The following KLHL13 variants were observed in gnomAD, a reference collection of about 807,000 sequenced individuals.
KLHL13 encodes kelch like family member 13.
In KLHL13, 10 loss-of-function variants were observed where a neutral mutation model predicts 37.1. The ratio of observed to expected loss-of-function variants is 0.27; its 90% CI spans 0.17 to 0.46. The LOEUF is 0.46. Among genes scored for constraint, KLHL13 ranks in the 20% least tolerant of loss-of-function variants. The pLI is 1.00. For synonymous variants in KLHL13, 163 were observed against 181.2 expected (o/e 0.90, Z 0.81); for missense variants, 360 against 509.3 (o/e 0.71, Z 2.82).
chrX:118,013,099 T>G (rs2054088815), intron 1 of KLHL13, among the ~76,000 whole-genome samples: 1 of 112,273 alleles, frequency 8.9e-6, no homozygotes, highest in South Asian at 3.7e-4. Context: ...GTGCTGCGAT[T>G]AAAGCAGTAA....
chrX:118,030,774 A>G (rs1277118740), intron 1 of KLHL13, among the ~76,000 whole-genome samples: 1 of 109,393 alleles, frequency 9.1e-6, no homozygotes, highest in Non-Finnish European at 1.9e-5. Context: ...ATGGGATGAC[A>G]CAGCAAGAAG....
intron 1 of KLHL13, among the ~76,000 whole-genome samples, chrX:118,105,762 T>C (rs2055338920): frequency 8.9e-6 from 1 of 111,796 alleles, no homozygotes; most frequent in Admixed American, 9.5e-5. Flanking sequence ...CCAAAAGTAC[T>C]TATAAAATTC....
chrX:117,919,084 C>CG (rs1377961275), intron 4 of KLHL13, among the ~76,000 whole-genome samples: 1 of 110,494 alleles, frequency 9.1e-6, no homozygotes, highest in African/African-American at 3.3e-5. Context: ...AGTGCAATGG[C>CG]GTGATCTCAG....
intron 2 of KLHL13, among the ~76,000 whole-genome samples, chrX:117,929,003 C>A (rs1932245036): frequency 9.0e-6 from 1 of 111,440 alleles, no homozygotes; most frequent in Non-Finnish European, 1.9e-5. Flanking sequence ...ATAGAAGTGG[C>A]ATAAACTAGA....
chrX:118,103,258 T>C (rs1047596766), intron 1 of KLHL13, among the ~76,000 whole-genome samples: 10 of 111,905 alleles, frequency 8.9e-5, no homozygotes, highest in African/African-American at 3.2e-4. Flanking sequence ...TTTATTCTAG[T>C]GACAGCAGTG....
At chrX:118,033,347 G>C (rs1163827938) in intron 1 of KLHL13, among the ~76,000 whole-genome samples, 5 of 111,176 alleles carry the variant, frequency 4.5e-5, no homozygotes, top group Non-Finnish European at 9.4e-5. Flanking sequence ...AGAGAGAAAG[G>C]TCGGGTTACC....
chrX:118,090,832 T>G (rs1351198558), intron 1 of KLHL13, among the ~76,000 whole-genome samples: 1 of 109,803 alleles, frequency 9.1e-6, no homozygotes, highest in Non-Finnish European at 1.9e-5. Flanking sequence ...TGCACACGTA[T>G]GTTTATAGCG....
chrX:117,924,735 G>A (rs1239807542), intron 2 of KLHL13, among the ~76,000 whole-genome samples: 1 of 110,757 alleles, frequency 9.0e-6, no homozygotes, highest in Non-Finnish European at 1.9e-5. Flanking sequence ...CCTTGGGTTT[G>A]ATTTAAGAGG....
chrX:118,021,356 A>C (rs1296499301), intron 1 of KLHL13, among the ~76,000 whole-genome samples: 6 of 105,693 alleles, frequency 5.7e-5, no homozygotes, highest in Admixed American at 4.1e-4. Context: ...CGTCATTTAC[A>C]TTAGGTATAT....
At chrX:118,105,998 T>C (rs2055342396) in intron 1 of KLHL13, among the ~76,000 whole-genome samples, 5 of 100,752 alleles carry the variant, frequency 5.0e-5, no homozygotes, top group Middle Eastern at 5.4e-3. Flanking sequence ...ACCTCCCAGG[T>C]TCACGCCATT....
intron 1 of KLHL13, among the ~76,000 whole-genome samples, chrX:117,992,478 C>A (rs182654204): frequency 9.0e-6 from 1 of 111,261 alleles, no homozygotes; most frequent in Non-Finnish European, 1.9e-5. Context: ...ATCTTTAGAA[C>A]ACACCCTGTT....
At chrX:117,994,890 T>C (rs768749625) in intron 1 of KLHL13, among the ~76,000 whole-genome samples, 1 of 110,988 alleles carries the variant, frequency 9.0e-6, no homozygotes, top group East Asian at 2.8e-4. Context: ...ACTTCATCTG[T>C]ATAAAAAATA....
intron 1 of KLHL13, among the ~76,000 whole-genome samples, chrX:118,086,410 A>G (rs1226223739): frequency 9.0e-6 from 1 of 111,681 alleles, no homozygotes; most frequent in African/African-American, 3.3e-5. Flanking sequence ...CACTGATGAA[A>G]ATGTTCTAGA....
intron 1 of KLHL13, among the ~76,000 whole-genome samples, chrX:117,995,914 G>A (rs1449231449): frequency 9.0e-6 from 1 of 111,057 alleles, no homozygotes; most frequent in Non-Finnish European, 1.9e-5. Flanking sequence ...TCAGTTAATG[G>A]GCATTTGAGC....
chrX:118,095,143 T>C (rs1395577668), intron 1 of KLHL13, among the ~76,000 whole-genome samples: 17 of 110,972 alleles, frequency 1.5e-4, no homozygotes, highest in Admixed American at 5.8e-4. Context: ...ATTCAGGAAA[T>C]GCATCTCACA....
upstream of KLHL13, chrX:117,973,827 C>A (rs1422409391): frequency 7.3e-6 from 4 of 548,629 alleles, no homozygotes; most frequent in Non-Finnish European, 6.5e-6. Context: ...CCACCCCCCC[C>A]ACTCCTCCCC....
At chrX:118,043,328 A>G (rs1019857373) in intron 1 of KLHL13, among the ~76,000 whole-genome samples, 2 of 111,558 alleles carry the variant, frequency 1.8e-5, no homozygotes, top group Non-Finnish European at 3.8e-5. Context: ...AATAATGCCA[A>G]TCCTACTCAA....
At chrX:118,082,904 C>T (rs1010094434) in intron 1 of KLHL13, among the ~76,000 whole-genome samples, 6 of 111,417 alleles carry the variant, frequency 5.4e-5, no homozygotes, top group Non-Finnish European at 1.1e-4. Flanking sequence ...AATCAGTTGG[C>T]TGTATATATG....
At chrX:118,097,925 A>T (rs1054186158) in intron 1 of KLHL13, among the ~76,000 whole-genome samples, 3 of 111,842 alleles carry the variant, frequency 2.7e-5, no homozygotes, top group African/African-American at 9.8e-5. Flanking sequence ...TACAAAAATT[A>T]ATTCAAGATG....
Sources: gnomAD v4.1 joint callset for allele counts (sites outside exome capture counted in the v4.1 genomes callset) on GRCh38, gnomAD v4.1.1 for gene constraint, MANE v1.5 for transcripts, NCBI Gene and HGNC (gene_info 2026-07-23, HGNC 2026-07-21) for gene names.